Variants in PCDH11X observed in about 807,000 individuals in gnomAD.
The protein encoded by PCDH11X is protocadherin-11 X-linked.
In PCDH11X, 18 loss-of-function variants were observed where a neutral mutation model predicts 53.3. The ratio of observed to expected loss-of-function variants is 0.34; its 90% CI spans 0.23 to 0.50. The LOEUF (loss-of-function observed/expected upper bound fraction) is 0.50. Ranked by LOEUF, PCDH11X falls within the 20% of genes least tolerant of loss-of-function variation. The pLI is 0.98. For missense variants in PCDH11X, 570 were observed against 1,032.4 expected (o/e 0.55, Z 6.14); for synonymous variants, 279 against 393.3 (o/e 0.71, Z 3.44).
At chrX:92,310,906 T>C (rs1271602996) in intron 8 of PCDH11X, among the ~76,000 whole-genome samples, 1 of 111,889 alleles carries the variant, frequency 8.9e-6, no homozygotes, top group Non-Finnish European at 1.9e-5. Flanking sequence ...CCTGAAACTC[T>C]GAGTAAAATA....
chrX:92,465,938 A>C (rs899484768), intron 9 of PCDH11X, among the ~76,000 whole-genome samples: 3 of 111,229 alleles, frequency 2.7e-5, no homozygotes, highest in Non-Finnish European at 3.8e-5. Flanking sequence ...TCAAAGTAAG[A>C]ATTTATGCAA....
chrX:92,121,718 C>CTTTATTTATTTA (rs200271556), intron 6 of PCDH11X, among the ~76,000 whole-genome samples: 1 of 107,574 alleles, frequency 9.3e-6, no homozygotes, highest in Admixed American at 1.0e-4. Flanking sequence ...ATTGATTTTA[C>CTTTATTTATTTA]TTTATTTATT....
rs149832875 is a variant in PCDH11X at position 92,062,032 on chromosome X, T to C, written c.3034-139343T>C. The stretch of plus-strand genomic sequence containing the variant: ...TAATTCTCATAGTAGAGACATTTCA[T>C]TTCTCTGGTTAGTTCTATTCCTAGG... On this transcript the variant is annotated intron_variant, in intron 6 of 10. Transcript: ENST00000682573. 2.1e-3 allele frequency among the ~76,000 whole-genome samples: 234 copies of C among 111,451 alleles called. 1 individual carries two copies. Among genetic ancestry groups the C allele is most frequent in the African/African-American group, 7.2e-3 (220 of 30,736 alleles).
chrX:92,515,707 A>G (rs1447866395), intron 10 of PCDH11X, among the ~76,000 whole-genome samples: 1 of 111,430 alleles, frequency 9.0e-6, no homozygotes, highest in Non-Finnish European at 1.9e-5. Flanking sequence ...GTTTCCATCA[A>G]AAAAGGGTCA....
chrX:92,575,650 A>G (rs1241027820), intron 10 of PCDH11X, among the ~76,000 whole-genome samples: 1 of 107,496 alleles, frequency 9.3e-6, no homozygotes. Flanking sequence ...TATAGATTAA[A>G]TTCAATTGTT....
chrX:92,559,910 T>A (rs986898677), intron 10 of PCDH11X, among the ~76,000 whole-genome samples: 1 of 111,115 alleles, frequency 9.0e-6, no homozygotes, highest in African/African-American at 3.3e-5. Flanking sequence ...CAACTCCTAG[T>A]GCTAGGCTGG....
At chrX:91,905,098 T>TTTATTATTATTA (rs200229863) in intron 6 of PCDH11X, among the ~76,000 whole-genome samples, 1 of 99,987 alleles carries the variant, frequency 1.0e-5, no homozygotes, top group African/African-American at 3.6e-5. Flanking sequence ...TACTTTTTTG[T>TTTATTATTATTA]TTATTATTAT....
chrX:92,474,030 G>A (rs1412733714), intron 10 of PCDH11X, among the ~76,000 whole-genome samples: 1 of 110,870 alleles, frequency 9.0e-6, no homozygotes, highest in Non-Finnish European at 1.9e-5. Flanking sequence ...TGTCTGAAAG[G>A]TCCAATGCTG....
chrX:92,154,155 C>G (rs922034078), intron 6 of PCDH11X, among the ~76,000 whole-genome samples: 1 of 110,374 alleles, frequency 9.1e-6, no homozygotes, highest in African/African-American at 3.3e-5. Flanking sequence ...GTCTACCTAT[C>G]TATTGATTGG....
intron 6 of PCDH11X, among the ~76,000 whole-genome samples, chrX:92,103,793 G>A (rs1183670378): frequency 1.8e-5 from 2 of 112,215 alleles, no homozygotes; most frequent in Non-Finnish European, 3.8e-5. Flanking sequence ...GCTGGGGTTT[G>A]TCTCACAGTG....
intron 6 of PCDH11X, among the ~76,000 whole-genome samples, chrX:92,158,909 C>T (rs1341678741): frequency 8.9e-6 from 1 of 112,039 alleles, no homozygotes; most frequent in Non-Finnish European, 1.9e-5. Context: ...GCTGGGATTA[C>T]AGGCGTGAGC....
chrX:91,959,126 T>G (rs978322677), intron 6 of PCDH11X, among the ~76,000 whole-genome samples: 5 of 106,805 alleles, frequency 4.7e-5, no homozygotes, highest in African/African-American at 1.7e-4. Flanking sequence ...AAATGTAAAA[T>G]TTTCCAATAT....
At chrX:92,203,555 C>T (rs2066427062) in intron 7 of PCDH11X, among the ~76,000 whole-genome samples, 1 of 112,414 alleles carries the variant, frequency 8.9e-6, no homozygotes, top group South Asian at 3.7e-4. Flanking sequence ...ATGGGTTCTC[C>T]TTTCCTGCTG....
chrX:92,422,903 C>G (rs1191152166), intron 9 of PCDH11X, among the ~76,000 whole-genome samples: 1 of 108,937 alleles, frequency 9.2e-6, no homozygotes, highest in South Asian at 4.0e-4. Context: ...GGCTGGAGTG[C>G]AGTGGCACGA....
chrX:91,927,717 G>T (rs1177341907), intron 6 of PCDH11X, among the ~76,000 whole-genome samples: 1 of 111,366 alleles, frequency 9.0e-6, no homozygotes, highest in Non-Finnish European at 1.9e-5. Flanking sequence ...GATATCTATT[G>T]TAACTTTTCT....
At chrX:92,482,550 A>G (rs910011832) in intron 10 of PCDH11X, among the ~76,000 whole-genome samples, 3 of 111,969 alleles carry the variant, frequency 2.7e-5, no homozygotes, top group Non-Finnish European at 3.8e-5. Context: ...TACACCTTGA[A>G]GTCTCCATTC....
intron 8 of PCDH11X, among the ~76,000 whole-genome samples, chrX:92,301,362 C>T (rs1332398296): frequency 9.4e-6 from 1 of 106,638 alleles, no homozygotes; most frequent in Non-Finnish European, 1.9e-5. Flanking sequence ...TTGACAGTTT[C>T]CCTAAGTCTA....
intron 5 of PCDH11X, among the ~76,000 whole-genome samples, chrX:91,848,506 C>T (rs1307868596): frequency 1.8e-5 from 2 of 111,511 alleles, no homozygotes; most frequent in East Asian, 5.6e-4. Flanking sequence ...CATGGTGTCA[C>T]CAATAATCTA....
chrX:92,229,446 C>G (rs2067029032), intron 7 of PCDH11X, among the ~76,000 whole-genome samples: 1 of 110,686 alleles, frequency 9.0e-6, no homozygotes, highest in Admixed American at 9.7e-5. Flanking sequence ...TGTTTTCATC[C>G]CTGCTAAGTG....
Sources: gnomAD v4.1 joint callset for allele counts (sites outside exome capture counted in the v4.1 genomes callset) on GRCh38, gnomAD v4.1.1 for gene constraint, MANE v1.5 for transcripts, NCBI Gene and HGNC (gene_info 2026-07-23, HGNC 2026-07-21) for gene names.